The following SDK1 variants were observed in gnomAD, a reference collection of about 807,000 sequenced individuals.
SDK1 encodes the protein protein sidekick-1.
Under a neutral mutation model 245.5 loss-of-function variants are expected in SDK1, and 157 were observed. The ratio of observed to expected loss-of-function variants is 0.64; its 90% confidence interval spans 0.56 to 0.73. The LOEUF (loss-of-function observed/expected upper bound fraction) is 0.73. SDK1 is among the 30% of genes least tolerant of loss of function. The pLI, the probability that SDK1 is intolerant of heterozygous loss-of-function variation, is 0.00. For synonymous variants in SDK1, 1,647 were observed against 1,278.5 expected (o/e 1.29, Z -6.15); for missense variants, 3,583 against 3,002.3 (o/e 1.19, Z -4.52).
intron 22 of SDK1, among the ~76,000 whole-genome samples, chr7:4,106,985 T>C (rs1390367138): frequency 6.6e-6 from 1 of 151,818 alleles, no homozygotes; most frequent in Non-Finnish European, 1.5e-5. Flanking sequence ...CCAGACAGAC[T>C]GAATCCATAC....
intron 1 of SDK1, among the ~76,000 whole-genome samples, chr7:3,368,911 C>G (rs951367038): frequency 1.3e-5 from 2 of 152,114 alleles, no homozygotes; most frequent in African/African-American, 2.4e-5. Context: ...AAATAAAGAG[C>G]AAGGAATGGT....
chr7:3,514,884 T>G (rs539040145), intron 1 of SDK1, among the ~76,000 whole-genome samples: 2 of 152,258 alleles, frequency 1.3e-5, no homozygotes, highest in South Asian at 4.1e-4. Context: ...ATGCGTGCGC[T>G]CTCTCTCTCT....
chr7:3,896,155 A>G (rs1477687366), intron 5 of SDK1, among the ~76,000 whole-genome samples: 1 of 152,224 alleles, frequency 6.6e-6, no homozygotes, highest in African/African-American at 2.4e-5. Context: ...GACATTTTAA[A>G]AAATGAAAAA....
intron 1 of SDK1, among the ~76,000 whole-genome samples, chr7:3,557,852 A>C (rs1475447690): frequency 6.6e-6 from 1 of 152,222 alleles, no homozygotes; most frequent in South Asian, 2.1e-4. Context: ...ACACGTCTGC[A>C]TCTCCATGTT....
intron 4 of SDK1, among the ~76,000 whole-genome samples, chr7:3,700,331 CTAAAT>C: frequency 6.6e-6 from 1 of 152,192 alleles, no homozygotes; most frequent in South Asian, 2.1e-4. Context: ...TTTGAGTTGT[CTAAAT>C]TATGTTTGTT....
chr7:3,412,374 C>A (rs532958158), intron 1 of SDK1, among the ~76,000 whole-genome samples: 1 of 152,192 alleles, frequency 6.6e-6, no homozygotes, highest in Non-Finnish European at 1.5e-5. Context: ...TGCACCTTGC[C>A]TTTTTTCTCA....
At chr7:4,220,359 C>A in intron 39 of SDK1, 89 bp downstream of exon 39, 1 of 1,382,978 alleles carries the variant, frequency 7.2e-7, no homozygotes, top group South Asian at 1.4e-5. Context: ...TCTACATGGT[C>A]AACAAGGTGA....
chr7:4,094,245 A>G (rs1441806839), intron 22 of SDK1, among the ~76,000 whole-genome samples: 3 of 152,146 alleles, frequency 2.0e-5, no homozygotes, highest in Non-Finnish European at 1.5e-5. Flanking sequence ...TATTTGTAGT[A>G]GAGAGGGGGT....
chr7:3,483,470 C>T (rs570573693), intron 1 of SDK1, among the ~76,000 whole-genome samples: 24 of 152,218 alleles, frequency 1.6e-4, no homozygotes, highest in African/African-American at 5.3e-4. Context: ...CTGATTGCCT[C>T]TGATTTTCTA....
chr7:3,505,347 A>C (rs1782360383), intron 1 of SDK1, among the ~76,000 whole-genome samples: 1 of 152,208 alleles, frequency 6.6e-6, no homozygotes, highest in South Asian at 2.1e-4. Flanking sequence ...CCTTGGCTCA[A>C]GGAATCCAAT....
intron 1 of SDK1, among the ~76,000 whole-genome samples, chr7:3,349,855 G>T (rs1465971579): frequency 6.6e-6 from 1 of 152,124 alleles, no homozygotes; most frequent in Non-Finnish European, 1.5e-5. Flanking sequence ...GCCCGCCTCG[G>T]CCTCCCAAAG....
At position 4,265,197 on chromosome 7, in the gene SDK1, A is replaced by G. The variant is rs1228524594; in HGVS notation, c.6455A>G (p.Tyr2152Cys). 6.2e-7 allele frequency: 1 copy of G among 1,611,878 alleles called. No homozygotes were observed. The highest frequency in any genetic ancestry group is 1.7e-5 in the Admixed American group (1 of 59,984). ...AACCACTACATGAGCGACCCCACCT[A>G]CTACAACTCATGGAAGCGCAGGGCC... is the stretch of plus-strand genomic sequence containing the variant. ...FVNHYMSDPT[Y>C]YNSWKRRAQG... Residue 2152 changes from tyrosine to cysteine, a missense_variant, in exon 45 of 45, where the codon TAC becomes TGC. Tyr to Cys is a radical substitution (Grantham distance 194, BLOSUM62 -2). Transcript: ENST00000404826.
chr7:3,678,397 C>T (rs187576484), intron 4 of SDK1, among the ~76,000 whole-genome samples: 1 of 152,148 alleles, frequency 6.6e-6, no homozygotes, highest in Admixed American at 6.5e-5. Context: ...AATGGATTAA[C>T]AAAATATGGT....
chr7:3,786,875 A>G (rs1780917963), intron 4 of SDK1, among the ~76,000 whole-genome samples: 1 of 151,854 alleles, frequency 6.6e-6, no homozygotes, highest in Non-Finnish European at 1.5e-5. Context: ...CAGCTCCCCC[A>G]CACCCCCACC....
intron 17 of SDK1, among the ~76,000 whole-genome samples, chr7:4,036,894 G>C (rs1228018905): frequency 6.6e-6 from 1 of 152,140 alleles, no homozygotes; most frequent in African/African-American, 2.4e-5. Context: ...TGATATTTTT[G>C]TTATAGCAGC....
At chr7:3,665,955 T>G (rs1247959518) in intron 4 of SDK1, among the ~76,000 whole-genome samples, 11 of 152,132 alleles carry the variant, frequency 7.2e-5, no homozygotes, top group Admixed American at 7.2e-4. Flanking sequence ...TCCCACAATT[T>G]CTCGGTTGGC....
At chr7:3,803,678 A>T (rs950547864) in intron 4 of SDK1, among the ~76,000 whole-genome samples, 1 of 149,364 alleles carries the variant, frequency 6.7e-6, no homozygotes, top group African/African-American at 2.5e-5. Context: ...TATATTCTAG[A>T]TATGTATGCT....
At chr7:3,982,928 T>C (rs1024033769) in intron 13 of SDK1, among the ~76,000 whole-genome samples, 3 of 152,016 alleles carry the variant, frequency 2.0e-5, no homozygotes, top group Non-Finnish European at 2.9e-5. Flanking sequence ...ATTCCAGCCC[T>C]CATGGATGAG....
intron 1 of SDK1, among the ~76,000 whole-genome samples, chr7:3,448,922 A>C (rs1400282577): frequency 6.6e-6 from 1 of 152,204 alleles, no homozygotes; most frequent in Non-Finnish European, 1.5e-5. Context: ...GAGCACAGGA[A>C]GGATTATTCC....
Sources: allele counts gnomAD v4.1 joint callset (sites outside exome capture counted in the v4.1 genomes callset), GRCh38; gene constraint gnomAD v4.1.1; transcripts MANE v1.5; gene names NCBI Gene and HGNC (gene_info 2026-07-23, HGNC 2026-07-21).